GPR158: variants seen among roughly 807,000 people sequenced by gnomAD.
The protein encoded by GPR158 is metabotropic glycine receptor.
A neutral mutation model predicts 78.2 loss-of-function variants in GPR158; 30 were observed. The ratio of observed to expected loss-of-function variants is 0.38; its 90% CI spans 0.29 to 0.52. GPR158 has a LOEUF of 0.52. Ranked by LOEUF, GPR158 falls within the 20% of genes least tolerant of loss-of-function variation. GPR158 has a pLI of 0.83. For synonymous variants in GPR158, 581 were observed against 591.1 expected (o/e 0.98, Z 0.25); for missense variants, 1,463 against 1,523.5 (o/e 0.96, Z 0.66).
intron 3 of GPR158, 109 bp downstream of exon 3, chr10:25,396,122 G>T (rs1196962585): frequency 1.5e-5 from 8 of 539,890 alleles, no homozygotes; most frequent in Admixed American, 6.8e-5. Flanking sequence ...ATAATCATTG[G>T]TTTGGCATTC....
At chr10:25,391,678 T>A (rs914654907) in intron 2 of GPR158, among the ~76,000 whole-genome samples, 2 of 152,192 alleles carry the variant, frequency 1.3e-5, no homozygotes, top group Admixed American at 1.3e-4. Context: ...GGAGGGGGCT[T>A]ACCTTGTCCC....
intron 4 of GPR158, among the ~76,000 whole-genome samples, chr10:25,444,912 G>A (rs1410704519): frequency 6.6e-6 from 1 of 151,950 alleles, no homozygotes; most frequent in African/African-American, 2.4e-5. Flanking sequence ...CTTAAGGAGG[G>A]GACTCAACTT....
chr10:25,472,019 A>G (rs1206048463), intron 5 of GPR158, among the ~76,000 whole-genome samples: 4 of 152,294 alleles, frequency 2.6e-5, no homozygotes, highest in African/African-American at 9.6e-5. Context: ...TTGGTGTTGT[A>G]GACATGAAGT....
intron 2 of GPR158, among the ~76,000 whole-genome samples, chr10:25,348,176 C>T (rs866979421): frequency 2.0e-5 from 3 of 151,766 alleles, no homozygotes; most frequent in African/African-American, 2.4e-5. Context: ...GATGTATGAT[C>T]GGTAGGTTAT....
intron 2 of GPR158, among the ~76,000 whole-genome samples, chr10:25,319,004 A>G (rs1443925719): frequency 2.0e-5 from 3 of 152,204 alleles, no homozygotes; most frequent in African/African-American, 7.2e-5. Context: ...TCCCTGGATT[A>G]AAGGTGTAGG....
chr10:25,492,010 C>T (rs1277544300), intron 5 of GPR158, among the ~76,000 whole-genome samples: 2 of 152,124 alleles, frequency 1.3e-5, no homozygotes, highest in Non-Finnish European at 2.9e-5. Flanking sequence ...CATGGTTCTG[C>T]AGGCTGTACA....
At chr10:25,588,594 G>A (rs1021223942) in intron 7 of GPR158, among the ~76,000 whole-genome samples, 20 of 152,290 alleles carry the variant, frequency 1.3e-4, no homozygotes, top group African/African-American at 4.8e-4. Context: ...ATTTCTAGAA[G>A]CTGCATATAA....
chr10:25,427,903 T>C lies in GPR158; in HGVS notation c.1335+15430T>C, dbSNP rs188688630. Among the ~76,000 whole-genome samples, 18 of 152,230 alleles carry C rather than the reference T, an allele frequency of 1.2e-4. No individual in the cohort carries two copies. In the South Asian group the frequency reaches 1.9e-3, roughly 16 times the overall value. On this transcript the variant is annotated intron_variant, in intron 4 of 10. Transcript: ENST00000376351. ...GTAGGGCTGATTAGGTAACCTTGTA[T>C]TCATGGTTTTAATGAATTTAAACCT...
At chr10:25,401,805 T>A (rs1384544067) in intron 3 of GPR158, among the ~76,000 whole-genome samples, 1 of 152,140 alleles carries the variant, frequency 6.6e-6, no homozygotes, top group African/African-American at 2.4e-5. Flanking sequence ...CATGGTAGAA[T>A]TATTTGTAAT....
At chr10:25,220,464 T>C (rs1235102011) in intron 1 of GPR158, among the ~76,000 whole-genome samples, 3 of 152,184 alleles carry the variant, frequency 2.0e-5, no homozygotes, top group Non-Finnish European at 4.4e-5. Flanking sequence ...TCTCTTCGTT[T>C]CCAGATTTAA....
intron 4 of GPR158, among the ~76,000 whole-genome samples, chr10:25,464,958 C>G (rs887861403): frequency 1.2e-4 from 19 of 152,160 alleles, no homozygotes; most frequent in African/African-American, 4.3e-4. Flanking sequence ...TAGCAAGAAG[C>G]CACTCAAATA....
chr10:25,498,591 G>A (rs1257006321), intron 5 of GPR158, among the ~76,000 whole-genome samples: 1 of 152,168 alleles, frequency 6.6e-6, no homozygotes, highest in Non-Finnish European at 1.5e-5. Context: ...AGCCATAGAT[G>A]TTTGCACAAT....
intron 3 of GPR158, among the ~76,000 whole-genome samples, chr10:25,407,923 A>G (rs1024285722): frequency 2.6e-5 from 4 of 152,162 alleles, no homozygotes; most frequent in African/African-American, 9.7e-5. Flanking sequence ...CCAAAACCCT[A>G]ACCCTAACCC....
In GPR158 at chr10:25,552,023, T is replaced by TC. The variant is rs990822595; in HGVS notation, c.1514+939dup. ...CGTAAGAAACTTTATTTTCATTTTT[T>TC]CTCTTTTGGTACTTAATTGCTGAGA... is the stretch of plus-strand genomic sequence containing the variant. On this transcript the variant is annotated intron_variant, in intron 6 of 10. Coordinates refer to ENST00000376351, the MANE Select transcript of GPR158 (RefSeq NM_020752.3). Among the ~76,000 whole-genome samples, 4 of 152,178 alleles carry TC rather than the reference T, an allele frequency of 2.6e-5. 1 individual carries two copies. Among genetic ancestry groups the TC allele is most frequent in the Admixed American group, 2.6e-4 (4 of 15,266 alleles).
Position 25,598,711 on chromosome 10 carries a change from G to T in GPR158, c.3085G>T (p.Val1029Leu). The T allele has an allele frequency of 1.2e-6, 2 of 1,613,938 alleles. No individual in the cohort carries two copies. Among genetic ancestry groups the T allele is most frequent in the Non-Finnish European group, 1.7e-6 (2 of 1,179,966 alleles). Residue 1029 changes from valine to leucine, a missense_variant, in exon 11 of 11, where the codon GTA becomes TTA. By Grantham distance (32) the Val-to-Leu change is conservative. Transcript: ENST00000376351. ...TTCAGAATCAAAAGTTCAAAAGCAC[G>T]TATCTATTGTGGCTTCTGAAATGGA... The part of the protein sequence containing the change: ...VPSESKVQKH[V>L]SIVASEMEKN...
At chr10:25,299,973 C>G (rs575173757) in intron 2 of GPR158, among the ~76,000 whole-genome samples, 1 of 152,128 alleles carries the variant, frequency 6.6e-6, no homozygotes, top group African/African-American at 2.4e-5. Flanking sequence ...ATTACAGGTG[C>G]ATGCCGCCAC....
chr10:25,175,746 C>A lies in GPR158; in HGVS notation c.326C>A (p.Pro109Gln). 6.2e-7 allele frequency: 1 copy of A among 1,611,436 alleles called. No homozygotes were observed. Residue 109 changes from proline (P) to glutamine (Q), a missense_variant, in exon 1 of 11, where the codon CCG becomes CAG. By Grantham distance (76) the Pro-to-Gln change is moderately conservative (BLOSUM62 -1). Transcript: ENST00000376351. This position sits in a 1 kb window ranked among gnomAD's most constrained non-coding sequence, Gnocchi z 6.4. The stretch of plus-strand genomic sequence containing the variant: ...GGCCGCTACGAGTTGGCGGGCCTGC[C>A]GGGGAAGTGGCCAGCCCTGGCCAGC... ...CSGRYELAGLPGKWPALASAH... is the reference protein window; with the variant it reads ...CSGRYELAGLQGKWPALASAH...
chr10:25,368,269 C>T (rs919820356), intron 2 of GPR158, among the ~76,000 whole-genome samples: 2 of 150,098 alleles, frequency 1.3e-5, no homozygotes, highest in African/African-American at 2.5e-5. Context: ...TCTGATGTAT[C>T]CCCAGTAAGA....
intron 5 of GPR158, among the ~76,000 whole-genome samples, chr10:25,549,585 G>C (rs1051888232): frequency 6.6e-6 from 1 of 152,082 alleles, no homozygotes; most frequent in African/African-American, 2.4e-5. Context: ...TGTATGTGAA[G>C]TAATAAAGTT....
Sources: gnomAD v4.1 joint callset for allele counts (sites outside exome capture counted in the v4.1 genomes callset) on GRCh38, gnomAD v4.1.1 for gene constraint, Gnocchi (gnomAD v3.1) non-coding constraint, MANE v1.5 for transcripts, NCBI Gene and HGNC (gene_info 2026-07-23, HGNC 2026-07-21) for gene names.